The following RIN2 variants were observed in gnomAD, a reference collection of about 807,000 sequenced individuals.
RIN2 encodes RAB5 interacting protein 2.
In RIN2, 36 loss-of-function variants were observed where a neutral mutation model predicts 78.0. That is an observed-to-expected ratio of 0.46 (90% confidence interval 0.35 to 0.61). The LOEUF (loss-of-function observed/expected upper bound fraction) is 0.61. Among genes scored for constraint, RIN2 ranks in the 20% least tolerant of loss-of-function variants. The probability of loss-of-function intolerance (pLI) is 0.00; values close to 1 mark genes in which losing one functional copy is unlikely to be tolerated. For missense variants in RIN2, 1,087 were observed against 1,159.7 expected, an observed-to-expected ratio of 0.94 and a Z score of 0.91; for synonymous variants, 466 against 466.8, an observed-to-expected ratio of 1.00 and a Z score of 0.02.
chr20:19,787,790 T>A (rs1427249075), intron 1 of RIN2, among the ~76,000 whole-genome samples: 2 of 152,170 alleles, frequency 1.3e-5, no homozygotes, highest in Non-Finnish European at 2.9e-5. Flanking sequence ...GAGACATAGA[T>A]CTAGTAAGGG....
At chr20:19,979,846 C>T (rs1241905808) in intron 9 of RIN2, among the ~76,000 whole-genome samples, 1 of 151,698 alleles carries the variant, frequency 6.6e-6, no homozygotes, top group Admixed American at 6.6e-5. Flanking sequence ...AGTTTGAGAC[C>T]AGCCTGGCCA....
intron 3 of RIN2, among the ~76,000 whole-genome samples, chr20:19,907,898 A>G (rs114066033): frequency 0.013 from 1,966 of 152,286 alleles, 33 homozygotes; most frequent in African/African-American, 0.045. Context: ...CCTCATCTGT[A>G]AGGTGGGATT....
chr20:19,912,059 T>C (rs1320140293), intron 3 of RIN2, among the ~76,000 whole-genome samples: 1 of 152,188 alleles, frequency 6.6e-6, no homozygotes, highest in Non-Finnish European at 1.5e-5. Context: ...CTTCTACCCA[T>C]TTCAGAGTAG....
chr20:19,958,802 G>A lies in RIN2; in HGVS notation c.352-1898G>A, dbSNP rs1475499319. Among the ~76,000 whole-genome samples, 4 of 152,332 alleles carry A rather than the reference G, an allele frequency of 2.6e-5. No homozygotes were observed. In the East Asian group the frequency reaches 7.7e-4, roughly 29 times the overall value. On this transcript the variant is annotated intron_variant, in intron 5 of 12. Coordinates refer to ENST00000255006, the MANE Select transcript of RIN2 (RefSeq NM_018993.4). ...GAGAATTGCTTGAACCCAGGAGGTG[G>A]AGGTTGCAGTGAGCTGAGATTGCAC...
At chr20:19,920,491 G>T (rs986204625) in intron 3 of RIN2, among the ~76,000 whole-genome samples, 2 of 152,104 alleles carry the variant, frequency 1.3e-5, no homozygotes, top group Non-Finnish European at 2.9e-5. Flanking sequence ...ATAGATCAAG[G>T]CCTCAGCAGG....
intron 2 of RIN2, among the ~76,000 whole-genome samples, chr20:19,876,270 G>C (rs1472379002): frequency 6.6e-6 from 1 of 152,204 alleles, no homozygotes; most frequent in African/African-American, 2.4e-5. Flanking sequence ...TCTGCCAACT[G>C]AAAGATCTGA....
intron 2 of RIN2, among the ~76,000 whole-genome samples, chr20:19,805,884 C>T (rs1017053571): frequency 6.6e-6 from 1 of 152,098 alleles, no homozygotes; most frequent in Non-Finnish European, 1.5e-5. Context: ...CAACCTCCAA[C>T]AGGCCACAGT....
At chr20:19,838,662 C>A (rs1053684196) in intron 2 of RIN2, among the ~76,000 whole-genome samples, 1 of 152,126 alleles carries the variant, frequency 6.6e-6, no homozygotes, top group African/African-American at 2.4e-5. Flanking sequence ...CTCTTTCCCG[C>A]ATGGCTACAG....
chr20:19,964,280 G>GAA (rs61171348), intron 6 of RIN2, among the ~76,000 whole-genome samples: 2 of 140,814 alleles, frequency 1.4e-5, no homozygotes, highest in African/African-American at 2.6e-5. Flanking sequence ...GAGAGAGAGA[G>GAA]AAAAAAAAAA....
intron 9 of RIN2, among the ~76,000 whole-genome samples, chr20:19,983,890 T>A (rs1568704769): frequency 3.2e-5 from 2 of 62,138 alleles, no homozygotes; most frequent in African/African-American, 1.9e-4. Context: ...ACATTTTTTG[T>A]TTATTATTAT....
intron 4 of RIN2, among the ~76,000 whole-genome samples, chr20:19,952,128 C>T (rs566063800): frequency 1.3e-5 from 2 of 152,306 alleles, no homozygotes; most frequent in South Asian, 4.1e-4. Context: ...AGCTCAGCAG[C>T]GTGAATAGCC....
rs868065437 is a variant in RIN2 at position 19,901,292 on chromosome 20, C to T, written c.57+11634C>T. Among the ~76,000 whole-genome samples, 238 of 152,044 alleles carry T rather than the reference C, an allele frequency of 1.6e-3. 1 individual carries two copies. The highest frequency in any genetic ancestry group is 0.014 in the Middle Eastern group (4 of 294). On this transcript the variant is annotated intron_variant, in intron 3 of 12. Coordinates refer to ENST00000255006, the MANE Select transcript of RIN2 (RefSeq NM_018993.4). ...TTGGTGTTACTACTGGTGTCTTTTT[C>T]TGTCTGCTTTCCCCCACCCCCGTCC...
intron 2 of RIN2, among the ~76,000 whole-genome samples, chr20:19,863,250 C>T (rs4814911): frequency 0.27 from 41,173 of 152,116 alleles, 6,898 homozygotes; most frequent in African/African-American, 0.49. Flanking sequence ...TTATTTAACA[C>T]GTTTTGTCTC....
chr20:19,905,714 C>G (rs6132244), intron 3 of RIN2, among the ~76,000 whole-genome samples: 55,050 of 152,050 alleles, frequency 0.36, 10,776 homozygotes, highest in Non-Finnish European at 0.43. Context: ...GCCTGGACAA[C>G]AGAGCAAAAC....
intron 2 of RIN2, among the ~76,000 whole-genome samples, chr20:19,843,666 T>C (rs73275097): frequency 0.016 from 2,415 of 152,334 alleles, 60 homozygotes; most frequent in African/African-American, 0.054. Flanking sequence ...TTTATTGTGA[T>C]ATCTGCTTTA....
chr20:19,928,631 G>A (rs1237596053), intron 3 of RIN2, among the ~76,000 whole-genome samples: 1 of 152,172 alleles, frequency 6.6e-6, no homozygotes, highest in East Asian at 1.9e-4. Context: ...GAAAGAACTT[G>A]GGCCTTCTCC....
intron 2 of RIN2, among the ~76,000 whole-genome samples, chr20:19,888,354 C>T (rs187237649): frequency 2.0e-4 from 31 of 152,344 alleles, no homozygotes; most frequent in African/African-American, 6.7e-4. Flanking sequence ...CTTGCTCACT[C>T]ACTGATATGC....
chr20:19,970,444 AT>A (rs1428748894), intron 7 of RIN2, among the ~76,000 whole-genome samples: 70 of 152,354 alleles, frequency 4.6e-4, no homozygotes, highest in Non-Finnish European at 4.0e-4. Context: ...AGGATTCCAC[AT>A]TCCTGCCCAG....
intron 1 of RIN2, among the ~76,000 whole-genome samples, chr20:19,761,027 A>G (rs1218027463): frequency 6.6e-6 from 1 of 152,230 alleles, no homozygotes; most frequent in African/African-American, 2.4e-5. Flanking sequence ...TGAATGAACA[A>G]AAGTGTCCCT....
Sources: allele counts gnomAD v4.1 joint callset (sites outside exome capture counted in the v4.1 genomes callset), GRCh38; gene constraint gnomAD v4.1.1; transcripts MANE v1.5; gene names NCBI Gene and HGNC (gene_info 2026-07-23, HGNC 2026-07-21).